DNM1: variants seen among roughly 807,000 people sequenced by gnomAD.
DNM1 encodes dynamin-1.
In DNM1, 29 loss-of-function variants were observed where a neutral mutation model predicts 104.6. That is an observed-to-expected ratio of 0.28 (90% CI 0.21 to 0.38). The LOEUF (loss-of-function observed/expected upper bound fraction) is 0.38, where lower values mean the gene tolerates loss of function less well. Ranked by LOEUF, DNM1 falls within the 10% of genes least tolerant of loss-of-function variation. DNM1 has a pLI of 1.00. For synonymous variants in DNM1, 445 were observed against 475.8 expected, an observed-to-expected ratio of 0.94 and a Z score of 0.84; for missense variants, 640 against 1,189.4, an observed-to-expected ratio of 0.54 and a Z score of 6.79.
Position 128,254,592 on chromosome 9 carries a change from CTT to C in DNM1, c.2535-61_2535-60del. ...GGCCCCGGCCGTGTGCTGCGCTTGCCTTACCAGCTCTCTCCTCGCTTTTCTCT... is the reference window on the plus strand; with the variant it reads ...GGCCCCGGCCGTGTGCTGCGCTTGCCACCAGCTCTCTCCTCGCTTTTCTCT... On this transcript the variant is annotated intron_variant, in intron 21 of 21. Transcript: ENST00000372923. The surrounding 1 kb of genome is among the most constrained non-coding windows in gnomAD (Gnocchi z 6.1). 6.3e-7 allele frequency: 1 copy of C among 1,595,766 alleles called. No homozygotes were observed. Among genetic ancestry groups the C allele is most frequent in the Non-Finnish European group, 8.5e-7 (1 of 1,179,336 alleles).
At chr9:128,233,837 G>A in intron 10 of DNM1, 184 bp from the exon 11 acceptor site, 1 of 600,190 alleles carries the variant, frequency 1.7e-6, no homozygotes, top group East Asian at 3.0e-5. Context: ...ACACTTGGGG[G>A]AAAGGGGTGG....
intron 1 of DNM1, among the ~76,000 whole-genome samples, chr9:128,213,317 G>A (rs1461269583): frequency 6.6e-6 from 1 of 152,122 alleles, no homozygotes; most frequent in African/African-American, 2.4e-5. Context: ...CCTGACCTCA[G>A]GCGATCCACC....
Position 128,218,214 on chromosome 9 carries a change from C to T in DNM1, c.162-17C>T, listed in dbSNP as rs1057524327. 7 of 1,613,732 alleles carry T rather than the reference C, an allele frequency of 4.3e-6. No individual in the cohort carries two copies. Among genetic ancestry groups the T allele is most frequent in the Admixed American group, 3.3e-5 (2 of 59,996 alleles). On this transcript the variant is annotated splice_polypyrimidine_tract_variant and intron_variant, in intron 1 of 21. Coordinates refer to ENST00000372923, the MANE Select transcript of DNM1 (RefSeq NM_004408.4). This position sits in a 1 kb window ranked among gnomAD's most constrained non-coding sequence, Gnocchi z 4.8. Reference sequence around the variant, plus strand: ...CCCTCATATCTTGACCCTCCTTTGACCTCCAACTCATTGCAGGGACTTCTT... The same window carrying T: ...CCCTCATATCTTGACCCTCCTTTGATCTCCAACTCATTGCAGGGACTTCTT...
chr9:128,224,450 C>T lies in DNM1; in HGVS notation c.1335+61C>T, dbSNP rs995914928. On this transcript the variant is annotated intron_variant, in intron 10 of 21. Transcript: ENST00000372923. The surrounding 1 kb of genome is among the most constrained non-coding windows in gnomAD (Gnocchi z 4.3). ...TGCCCCGCCCTGCACTGCTGCCAGG[C>T]GCTCCTTCCCCATGTCCCCCCCTGC... The T allele has an allele frequency of 7.2e-6, 11 of 1,524,210 alleles. No individual in the cohort carries two copies. Among genetic ancestry groups the T allele is most frequent in the East Asian group, 6.9e-5 (3 of 43,522 alleles). 94.4% of individuals were successfully genotyped at this position (1,524,210 alleles called of 1,614,324 possible). A position where few individuals can be genotyped will look rare whatever the true frequency, so the allele number is the denominator to read the frequency against.
chr9:128,219,968 C>T lies in DNM1; in HGVS notation c.590-20C>T, dbSNP rs901904236. The T allele has an allele frequency of 5.8e-6, 9 of 1,539,476 alleles. No homozygotes were observed. The highest frequency in any genetic ancestry group is 7.9e-6 in the Non-Finnish European group (9 of 1,136,858). ...GAGAGCGGGTGCAGCTGTAGACGGC[C>T]CTCCTGCTGGTGCACCCAGGCCAGC... On this transcript the variant is annotated intron_variant, in intron 4 of 21. Transcript: ENST00000372923.
intron 11 of DNM1, among the ~76,000 whole-genome samples, chr9:128,235,186 T>C (rs1451242967): frequency 2.6e-5 from 4 of 152,172 alleles, no homozygotes; most frequent in African/African-American, 9.6e-5. Context: ...ACCATCCGTA[T>C]TGTAGCATGT....
chr9:128,241,094 G>C (rs1564346428), intron 14 of DNM1: 1 of 152,376 alleles, frequency 6.6e-6, no homozygotes, highest in Non-Finnish European at 1.5e-5. Context: ...CTGCTGCTGG[G>C]CTGTGCAGCT....
intron 1 of DNM1, among the ~76,000 whole-genome samples, chr9:128,216,674 G>A (rs1480669986): frequency 1.3e-5 from 2 of 152,206 alleles, no homozygotes; most frequent in African/African-American, 4.8e-5. Flanking sequence ...GAGGCTTCAA[G>A]AGGGGGCTTT....
chr9:128,233,511 T>C, intron 10 of DNM1: 1 of 157,312 alleles, frequency 6.4e-6, no homozygotes, highest in Non-Finnish European at 1.4e-5. Context: ...CCAGCCTGAC[T>C]CAGGAGGCCA....
chr9:128,214,324 G>A (rs1834479476), intron 1 of DNM1, among the ~76,000 whole-genome samples: 1 of 152,172 alleles, frequency 6.6e-6, no homozygotes, highest in African/African-American at 2.4e-5. Flanking sequence ...GGAAACTGAG[G>A]CTCAGAGAGG....
At chr9:128,211,207 A>G (rs2502818) in intron 1 of DNM1, among the ~76,000 whole-genome samples, 74,066 of 151,540 alleles carry the variant, frequency 0.49, 21,698 homozygotes, top group Admixed American at 0.66. Flanking sequence ...CCCCTAATCC[A>G]TTCCCCGCCC....
At chr9:128,214,964 G>T (rs1834518598) in intron 1 of DNM1, among the ~76,000 whole-genome samples, 1 of 152,258 alleles carries the variant, frequency 6.6e-6, no homozygotes, top group Non-Finnish European at 1.5e-5. Context: ...GAGGGCTAAA[G>T]TGGGACAGTG....
At chr9:128,223,721 T>C (rs535649786) in intron 9 of DNM1, 1 of 152,608 alleles carries the variant, frequency 6.6e-6, no homozygotes, top group African/African-American at 2.4e-5. Flanking sequence ...AGGACTTACA[T>C]ATCAGATACT....
At chr9:128,204,483 A>C (rs577818144) in intron 1 of DNM1, 1 of 152,426 alleles carries the variant, frequency 6.6e-6, no homozygotes, top group East Asian at 1.9e-4. Context: ...CTGATCCCAC[A>C]AGGCGCTGAG....
intron 10 of DNM1, among the ~76,000 whole-genome samples, chr9:128,226,458 C>A (rs150945417): frequency 7.2e-5 from 11 of 152,374 alleles, no homozygotes; most frequent in African/African-American, 2.4e-4. Flanking sequence ...TACTATGTGC[C>A]AAGCACACGC....
At chr9:128,212,232 G>A (rs923316776) in intron 1 of DNM1, among the ~76,000 whole-genome samples, 1 of 152,238 alleles carries the variant, frequency 6.6e-6, no homozygotes, top group Admixed American at 6.5e-5. Context: ...CTATTTCACT[G>A]GTGGGCAAAC....
intron 20 of DNM1, 33 bp from the exon 21 acceptor site, chr9:128,250,692 C>T: frequency 6.9e-7 from 1 of 1,447,524 alleles, no homozygotes; most frequent in Admixed American, 2.5e-5. Flanking sequence ...CTCATCTCGC[C>T]TCTCCTTGTT....
rs1836485066 is a variant in DNM1, at chr9:128,243,104, G to A, written c.1671+759G>A. Among the ~76,000 whole-genome samples, 2 of 152,208 alleles carry A rather than the reference G, an allele frequency of 1.3e-5. No individual in the cohort carries two copies. Among genetic ancestry groups the A allele is most frequent in the African/African-American group, 4.8e-5 (2 of 41,448 alleles). On this transcript the variant is annotated intron_variant, in intron 15 of 21. Coordinates refer to ENST00000372923, the MANE Select transcript of DNM1 (RefSeq NM_004408.4). This position sits in a 1 kb window ranked among gnomAD's most constrained non-coding sequence, Gnocchi z 4.0. ...GCAGTCCAAGGGAAATGACCAGGGT[G>A]CCCTCAGGCTGAGGGGCAAGGAGTG... is the stretch of plus-strand genomic sequence containing the variant.
At chr9:128,213,915 G>C (rs1834455084) in intron 1 of DNM1, among the ~76,000 whole-genome samples, 1 of 152,076 alleles carries the variant, frequency 6.6e-6, no homozygotes, top group Admixed American at 6.6e-5. Flanking sequence ...GCTGTGACGG[G>C]GCTGCCTAGG....
Sources: allele counts gnomAD v4.1 joint callset (sites outside exome capture counted in the v4.1 genomes callset), GRCh38; gene constraint gnomAD v4.1.1; non-coding constraint Gnocchi (gnomAD v3.1); transcripts MANE v1.5; gene names NCBI Gene and HGNC (gene_info 2026-07-23, HGNC 2026-07-21).